Variants in WWOX observed in about 807,000 individuals in gnomAD.
WWOX encodes the protein WW domain-containing oxidoreductase.
WWOX carries 69 observed loss-of-function variants against 46.2 expected under a neutral mutation model. The ratio of observed to expected loss-of-function variants is 1.49; its 90% CI spans 1.23 to 1.82. WWOX has a LOEUF of 1.82. Ranked by LOEUF, WWOX falls within the 40% of genes most tolerant of loss-of-function variation. WWOX has a pLI of 0.00. For missense variants in WWOX, 919 were observed against 542.6 expected, an observed-to-expected ratio of 1.69 and a Z score of -6.89; for synonymous variants, 359 against 202.6, an observed-to-expected ratio of 1.77 and a Z score of -6.56.
At chr16:79,118,784 C>T (rs4888011) in intron 8 of WWOX, among the ~76,000 whole-genome samples, 2 of 152,088 alleles carry the variant, frequency 1.3e-5, no homozygotes, top group Non-Finnish European at 2.9e-5. Context: ...TTGCCATACG[C>T]CCATTTGGCA....
intron 8 of WWOX, chr16:78,825,998 A>T: frequency 1.5e-6 from 1 of 660,842 alleles, no homozygotes. Context: ...GCCAGTCCCC[A>T]TAGCATAACG....
chr16:78,949,617 C>G (rs766811758), intron 8 of WWOX, among the ~76,000 whole-genome samples: 1 of 152,220 alleles, frequency 6.6e-6, no homozygotes, highest in Non-Finnish European at 1.5e-5. Context: ...GAACACATTT[C>G]TGTTCTTTTA....
At chr16:78,425,840 G>GA (rs1038251102) in intron 7 of WWOX, among the ~76,000 whole-genome samples, 33 of 151,048 alleles carry the variant, frequency 2.2e-4, no homozygotes, top group South Asian at 1.7e-3. Flanking sequence ...AAAGTAGCTA[G>GA]AAAAAAAAAT....
intron 8 of WWOX, among the ~76,000 whole-genome samples, chr16:78,487,362 C>T (rs1567601406): frequency 6.6e-6 from 1 of 152,084 alleles, no homozygotes. Context: ...CATTATTTCC[C>T]CAATTCCGTA....
At chr16:78,989,439 G>C (rs1214603587) in intron 8 of WWOX, among the ~76,000 whole-genome samples, 1 of 152,162 alleles carries the variant, frequency 6.6e-6, no homozygotes, top group East Asian at 1.9e-4. Context: ...ATTGCATCCA[G>C]GCATCCTGCC....
chr16:78,103,962 T>C (rs1238332728), intron 1 of WWOX, among the ~76,000 whole-genome samples: 1 of 151,646 alleles, frequency 6.6e-6, no homozygotes, highest in Non-Finnish European at 1.5e-5. Flanking sequence ...CTCCCAGGGG[T>C]GAGGTCGAGG....
intron 8 of WWOX, among the ~76,000 whole-genome samples, chr16:78,571,091 G>C (rs1033096306): frequency 6.6e-6 from 1 of 152,156 alleles, no homozygotes; most frequent in East Asian, 1.9e-4. Flanking sequence ...TTCTTTATCT[G>C]CAATGGGAAA....
intron 4 of WWOX, among the ~76,000 whole-genome samples, chr16:78,133,254 TTTTA>T (rs2033666346): frequency 6.6e-6 from 1 of 152,112 alleles, no homozygotes; most frequent in Non-Finnish European, 1.5e-5. Context: ...AAAGTGAAAA[TTTTA>T]TTTATTTTTA....
chr16:78,785,876 C>G (rs1040349715), intron 8 of WWOX, among the ~76,000 whole-genome samples: 2 of 141,714 alleles, frequency 1.4e-5, no homozygotes, highest in Non-Finnish European at 3.2e-5. Context: ...TAGAGCGACA[C>G]ACTTTTGAAT....
chr16:78,278,848 A>G, intron 5 of WWOX: 1 of 596,468 alleles, frequency 1.7e-6, no homozygotes, highest in Non-Finnish European at 2.9e-6. Flanking sequence ...ACGACTCTTC[A>G]GGTGACTAAA....
intron 8 of WWOX, among the ~76,000 whole-genome samples, chr16:78,952,037 C>T (rs1007799809): frequency 6.6e-6 from 1 of 152,200 alleles, no homozygotes; most frequent in African/African-American, 2.4e-5. Context: ...TTTATACTGT[C>T]TGTAGGGTAA....
chr16:78,198,580 C>A (rs1398238415), intron 5 of WWOX, among the ~76,000 whole-genome samples: 1 of 152,152 alleles, frequency 6.6e-6, no homozygotes, highest in Non-Finnish European at 1.5e-5. Context: ...GTTTTTGATG[C>A]TCTCGTGGCT....
chr16:78,354,312 C>CCTTTTTTT (rs2081241562), intron 5 of WWOX, among the ~76,000 whole-genome samples: 1 of 123,306 alleles, frequency 8.1e-6, no homozygotes, highest in Non-Finnish European at 1.6e-5. Flanking sequence ...ATGTGCTTAA[C>CCTTTTTTT]TTTTTTTTTT....
At chr16:78,637,814 G>C (rs2738582) in intron 8 of WWOX, among the ~76,000 whole-genome samples, 136,706 of 152,158 alleles carry the variant, frequency 0.9, 61,596 homozygotes, top group Middle Eastern at 0.94. Context: ...ATTGTCCCAG[G>C]CCAGGGCCTA....
intron 4 of WWOX, chr16:78,123,435 GTTTTGT>G (rs1277728862): frequency 2.1e-4 from 10 of 48,710 alleles, no homozygotes; most frequent in African/African-American, 7.6e-4. Context: ...TTTGTTTTTT[GTTTTGT>G]TTTTTTTTTT....
chr16:79,120,082 A>T (rs189209322), intron 8 of WWOX, among the ~76,000 whole-genome samples: 202 of 152,260 alleles, frequency 1.3e-3, no homozygotes, highest in African/African-American at 4.8e-3. Flanking sequence ...GTTTATTTAG[A>T]TAACATTTTC....
At chr16:78,672,103 T>C (rs1034144270) in intron 8 of WWOX, among the ~76,000 whole-genome samples, 1 of 152,214 alleles carries the variant, frequency 6.6e-6, no homozygotes, top group African/African-American at 2.4e-5. Flanking sequence ...TCTCCACTTT[T>C]GTAAAAGTTT....
chr16:78,360,007 A>G (rs2081376124), intron 5 of WWOX, among the ~76,000 whole-genome samples: 1 of 152,242 alleles, frequency 6.6e-6, no homozygotes, highest in African/African-American at 2.4e-5. Flanking sequence ...CAGTTCTCAG[A>G]ATTTTGGATT....
At chr16:78,505,843 T>A (rs1477982568) in intron 8 of WWOX, among the ~76,000 whole-genome samples, 5 of 139,640 alleles carry the variant, frequency 3.6e-5, no homozygotes, top group Non-Finnish European at 8.0e-5. Flanking sequence ...GTAGAGAGAG[T>A]GGGTGGAGAG....
Sources: gnomAD v4.1 joint callset for allele counts (sites outside exome capture counted in the v4.1 genomes callset) on GRCh38, gnomAD v4.1.1 for gene constraint, MANE v1.5 for transcripts, NCBI Gene and HGNC (gene_info 2026-07-23, HGNC 2026-07-21) for gene names.